Variants in AHCY observed in about 807,000 individuals in gnomAD.
The protein encoded by AHCY is adenosylhomocysteinase, also known as S-adenosyl-L-homocysteine hydrolase.
Under a neutral mutation model 45.4 loss-of-function variants are expected in AHCY, and 24 were observed. The ratio of observed to expected loss-of-function variants is 0.53; its 90% confidence interval spans 0.38 to 0.74. AHCY has a LOEUF of 0.74. Ranked by LOEUF, AHCY falls within the 30% of genes least tolerant of loss-of-function variation. The pLI, the probability that AHCY is intolerant of heterozygous loss-of-function variation, is 0.00. For missense variants in AHCY, 449 were observed against 594.1 expected, an observed-to-expected ratio of 0.76 and a Z score of 2.54; for synonymous variants, 245 against 235.1, an observed-to-expected ratio of 1.04 and a Z score of -0.39.
the AHCY span, among the ~76,000 whole-genome samples, chr20:34,233,258 C>T: frequency 6.6e-6 from 1 of 150,818 alleles, no homozygotes; most frequent in African/African-American, 2.5e-5. Context: ...CCCCATTCTC[C>T]TGCCTCAGCC....
intron 1 of AHCY, among the ~76,000 whole-genome samples, chr20:34,296,818 C>T (rs2036591163): frequency 6.6e-6 from 1 of 152,138 alleles, no homozygotes; most frequent in Non-Finnish European, 1.5e-5. Flanking sequence ...GCAAAGGACT[C>T]TGTAGAGAAT....
At chr20:34,303,056 C>T (rs1256626408) in intron 1 of AHCY, 187 bp downstream of exon 1, 3 of 985,322 alleles carry the variant, frequency 3.0e-6, no homozygotes, top group Admixed American at 6.1e-5. Flanking sequence ...CCACGGCCAC[C>T]CGGAACGGCC....
At chr20:34,247,326 A>G in the AHCY span, among the ~76,000 whole-genome samples, 2 of 137,720 alleles carry the variant, frequency 1.5e-5, no homozygotes, top group South Asian at 2.3e-4. Flanking sequence ...TTTGAGACAG[A>G]GTCTCCTTCT....
Position 34,280,960 on chromosome 20 carries a change from C to G in AHCY, c.*74G>C. 6.2e-7 allele frequency: 1 copy of G among 1,601,470 alleles called. No homozygotes were observed. The highest frequency in any genetic ancestry group is 1.1e-5 in the South Asian group (1 of 89,432). ...TGACAAACCAATCACAAAGTTGGTG[C>G]CATTAGCTCTTAGGGAGGAGAGGTG... On this transcript the variant is annotated 3_prime_UTR_variant, in exon 10 of 10. Coordinates refer to ENST00000217426, the MANE Select transcript of AHCY (RefSeq NM_000687.4).
intron 8 of AHCY, among the ~76,000 whole-genome samples, chr20:34,288,187 C>T (rs2036249349): frequency 1.6e-5 from 1 of 63,134 alleles, no homozygotes. Flanking sequence ...AGGAGCAGAG[C>T]ACCCAAGAGG....
At chr20:34,240,590 G>A in the AHCY span, among the ~76,000 whole-genome samples, 1 of 152,096 alleles carries the variant, frequency 6.6e-6, no homozygotes, top group Admixed American at 6.5e-5. Flanking sequence ...TACTAATAAG[G>A]TGGGCTGGGC....
chr20:34,303,231 C>T lies in AHCY; in HGVS notation c.28+12G>A, dbSNP rs2036843501. 6.4e-7 allele frequency: 1 copy of T among 1,551,404 alleles called. No homozygotes were observed. The highest frequency in any genetic ancestry group is 8.7e-7 in the Non-Finnish European group (1 of 1,146,892). On this transcript the variant is annotated intron_variant, in intron 1 of 9. Coordinates refer to ENST00000217426, the MANE Select transcript of AHCY (RefSeq NM_000687.4). Reference sequence around the variant, plus strand: ...CGGGCGGCCGCAACCGGCTGCAGGTCCTGGGACTCACCGACTTTGTAGGGC... The same window carrying T: ...CGGGCGGCCGCAACCGGCTGCAGGTTCTGGGACTCACCGACTTTGTAGGGC...
At chr20:34,258,884 GTAT>G in the AHCY span, among the ~76,000 whole-genome samples, 2 of 119,212 alleles carry the variant, frequency 1.7e-5, no homozygotes, top group East Asian at 4.5e-4. Context: ...TATATATATA[GTAT>G]TATATATATA....
chr20:34,302,145 C>T (rs191709322), intron 1 of AHCY, among the ~76,000 whole-genome samples: 7 of 152,064 alleles, frequency 4.6e-5, no homozygotes, highest in Admixed American at 3.3e-4. Flanking sequence ...GGAATGAAGG[C>T]GCCCGCCACC....
the AHCY span, among the ~76,000 whole-genome samples, chr20:34,235,825 GAAAGAAA>G: frequency 1.6e-4 from 10 of 62,102 alleles, 1 homozygote; most frequent in Admixed American, 3.8e-4. Flanking sequence ...AAGAAAGAAA[GAAAGAAA>G]GAAAGAAAGA....
At chr20:34,253,257 C>T in the AHCY span, among the ~76,000 whole-genome samples, 1 of 151,690 alleles carries the variant, frequency 6.6e-6, no homozygotes, top group African/African-American at 2.4e-5. Context: ...AGGTGTCTGC[C>T]ACCACGCCCG....
In AHCY at chr20:34,291,428, G is replaced by C; in HGVS notation, c.549C>G (p.Ser183=). ...CTGCCCCTCGGCTCACCTTGGTGAC[G>C]GAGTCATTGACATTGATGGCAGGCA... ...LKVPAINVND[S]VTKSKFDNLY... The change falls in exon 5 of 10, where the codon TCC becomes TCG. Residue 183 remains serine (S), a synonymous_variant. Coordinates refer to ENST00000217426, the MANE Select transcript of AHCY (RefSeq NM_000687.4). 1 of 1,613,848 alleles carries C rather than the reference G, an allele frequency of 6.2e-7. No individual in the cohort carries two copies. The highest frequency in any genetic ancestry group is 1.7e-4 in the Middle Eastern group (1 of 5,990).
chr20:34,270,210 C>T, the AHCY span, among the ~76,000 whole-genome samples: 1 of 151,226 alleles, frequency 6.6e-6, no homozygotes, highest in African/African-American at 2.4e-5. Context: ...TATGATCACA[C>T]CACTGCACTC....
the AHCY span, chr20:34,260,680 C>G: frequency 1.4e-5 from 14 of 975,202 alleles, no homozygotes; most frequent in East Asian, 3.3e-4. Context: ...AATAAGGTGG[C>G]CCTTGACTCA....
rs932003234 is a variant in AHCY, at chr20:34,303,141, AG to A, written c.28+101del. 46 of 1,526,274 alleles carry A rather than the reference AG, an allele frequency of 3.0e-5. No homozygotes were observed. The Admixed American group carries it at 7.7e-4, about 26-fold the overall frequency. 94.5% of individuals were successfully genotyped at this position (1,526,274 alleles called of 1,614,324 possible). A position where few individuals can be genotyped will look rare whatever the true frequency, so the allele number is the denominator to read the frequency against. The stretch of plus-strand genomic sequence containing the variant: ...AGAAACGCGCCGAGGCTGCGATTCC[AG>A]GGGGTCCAGAGAGCCCCGAGTCGGC... On this transcript the variant is annotated intron_variant, in intron 1 of 9. Coordinates refer to ENST00000217426, the MANE Select transcript of AHCY (RefSeq NM_000687.4).
the AHCY span, chr20:34,234,737 CCAG>C: frequency 1.3e-5 from 2 of 152,078 alleles, no homozygotes; most frequent in Non-Finnish European, 2.9e-5. Flanking sequence ...TCATTTGAAC[CCAG>C]GAGGCAGAGG....
intron 1 of AHCY, among the ~76,000 whole-genome samples, chr20:34,296,694 T>G (rs562399678): frequency 3.5e-4 from 53 of 152,316 alleles, no homozygotes; most frequent in Non-Finnish European, 4.3e-4. Flanking sequence ...TCCTCTGGCA[T>G]GCTTGTAAAT....
upstream of AHCY, among the ~76,000 whole-genome samples, chr20:34,306,553 G>C (rs1269427891): frequency 6.6e-6 from 1 of 152,076 alleles, no homozygotes; most frequent in Admixed American, 6.6e-5. Flanking sequence ...ATTTTTAATA[G>C]AGACGGTGTT....
chr20:34,265,234 A>G, the AHCY span, among the ~76,000 whole-genome samples: 1 of 152,218 alleles, frequency 6.6e-6, no homozygotes, highest in African/African-American at 2.4e-5. Flanking sequence ...GTCAAAAATA[A>G]TATGAGGGCC....
Sources: gnomAD v4.1 joint callset for allele counts (sites outside exome capture counted in the v4.1 genomes callset) on GRCh38, gnomAD v4.1.1 for gene constraint, MANE v1.5 for transcripts, NCBI Gene and HGNC (gene_info 2026-07-23, HGNC 2026-07-21) for gene names.